Variants in NDC1 observed in about 807,000 individuals in gnomAD.
The protein encoded by NDC1 is nucleoporin NDC1.
A neutral mutation model predicts 89.8 loss-of-function variants in NDC1; 24 were observed. The ratio of observed to expected loss-of-function variants is 0.27; its 90% CI spans 0.19 to 0.38. The LOEUF (loss-of-function observed/expected upper bound fraction) is 0.38, where lower values mean the gene tolerates loss of function less well. NDC1 is among the 10% of genes least tolerant of loss of function. The pLI, the probability that NDC1 is intolerant of heterozygous loss-of-function variation, is 1.00. For missense variants in NDC1, 728 were observed against 797.6 expected (o/e 0.91, Z 1.05); for synonymous variants, 296 against 284.8 (o/e 1.04, Z -0.39).
chr1:53,830,575 T>C (rs961774019), intron 3 of NDC1, among the ~76,000 whole-genome samples: 4 of 152,050 alleles, frequency 2.6e-5, no homozygotes, highest in African/African-American at 7.2e-5. Context: ...AGGCAAATGA[T>C]GTAGGCTGGG....
chr1:53,774,154 G>A (rs1368419029), intron 16 of NDC1, among the ~76,000 whole-genome samples: 4 of 152,180 alleles, frequency 2.6e-5, no homozygotes, highest in Admixed American at 6.5e-5. Context: ...GTTTAGCAGA[G>A]TTTTGGGGAA....
chr1:53,832,439 T>C (rs994011976), intron 3 of NDC1, 51 bp downstream of exon 3: 1 of 955,772 alleles, frequency 1.0e-6, no homozygotes. Flanking sequence ...AGTCTTCCCT[T>C]AGTTAAATAA....
At chr1:53,772,688 TAAC>T (rs1570151903) in intron 16 of NDC1, among the ~76,000 whole-genome samples, 199 bp from the exon 17 acceptor site, 2 of 149,488 alleles carry the variant, frequency 1.3e-5, no homozygotes, top group East Asian at 3.9e-4. Context: ...TAACATAACA[TAAC>T]ATAACATAAC....
intron 16 of NDC1, 139 bp from the exon 17 acceptor site, chr1:53,772,628 A>G (rs1251867805): frequency 3.3e-6 from 2 of 604,162 alleles, no homozygotes; most frequent in East Asian, 5.4e-5. Context: ...GTTCCACTGT[A>G]CTCCAGACTG....
intron 14 of NDC1, among the ~76,000 whole-genome samples, chr1:53,792,561 A>G (rs1647555965): frequency 6.6e-6 from 1 of 152,276 alleles, no homozygotes; most frequent in Non-Finnish European, 1.5e-5. Flanking sequence ...AGTGAGCGTG[A>G]TATTAGATAA....
intron 5 of NDC1, 59 bp downstream of exon 5, chr1:53,825,739 A>G (rs2100688245): frequency 6.9e-7 from 1 of 1,456,148 alleles, no homozygotes. Flanking sequence ...ATACATATGC[A>G]CCAAGGCAAT....
chr1:53,830,262 T>C (rs928134663), intron 3 of NDC1, among the ~76,000 whole-genome samples: 2 of 152,120 alleles, frequency 1.3e-5, no homozygotes, highest in African/African-American at 2.4e-5. Flanking sequence ...GAGACCAGCC[T>C]GACCAACATG....
Position 53,785,226 on chromosome 1 carries a change from A to G in NDC1, c.1800+1932T>C, listed in dbSNP as rs549299456. On this transcript the variant is annotated intron_variant, in intron 16 of 17. Coordinates refer to ENST00000371429, the MANE Select transcript of NDC1 (RefSeq NM_018087.5). ...CATTACTCTAGACTATAAACACTGT[A>G]CCATTATTGTTGTTTTAACTACACT... 2.7e-4 allele frequency among the ~76,000 whole-genome samples: 41 copies of G among 152,352 alleles called. No individual in the cohort carries two copies. In the South Asian group the frequency reaches 4.6e-3, roughly 17 times the overall value.
intron 5 of NDC1, among the ~76,000 whole-genome samples, chr1:53,825,453 C>CAAAAAAAAAAAAGAAAAAAA (rs369960654): frequency 7.9e-6 from 1 of 125,936 alleles, no homozygotes; most frequent in African/African-American, 3.4e-5. Context: ...AGACTGTCTC[C>CAAAAAAAAAAAAGAAAAAAA]AAAAAAAAAG....
intron 6 of NDC1, among the ~76,000 whole-genome samples, chr1:53,814,393 G>T (rs1036422201): frequency 7.9e-5 from 12 of 151,896 alleles, no homozygotes; most frequent in Non-Finnish European, 1.6e-4. Context: ...ATAATTTTTT[G>T]AACTGAATGA....
chr1:53,804,121 T>A (rs1352556881), intron 9 of NDC1, 112 bp from the exon 10 acceptor site: 10 of 789,584 alleles, frequency 1.3e-5, no homozygotes, highest in Non-Finnish European at 1.8e-5. Flanking sequence ...AACTTTTTCA[T>A]GAAAAAAAAA....
intron 1 of NDC1, among the ~76,000 whole-genome samples, chr1:53,836,587 C>A (rs1474988956): frequency 6.6e-6 from 1 of 152,062 alleles, no homozygotes; most frequent in East Asian, 1.9e-4. Context: ...CCTCCTCCTC[C>A]CGGGTTCAAG....
chr1:53,782,399 G>C (rs1438786089), intron 16 of NDC1, among the ~76,000 whole-genome samples: 5 of 152,196 alleles, frequency 3.3e-5, no homozygotes, highest in African/African-American at 1.2e-4. Context: ...CATGGGTGCA[G>C]CTCAAGGACA....
At chr1:53,785,218 A>G (rs1647274890) in intron 16 of NDC1, among the ~76,000 whole-genome samples, 1 of 152,198 alleles carries the variant, frequency 6.6e-6, no homozygotes, top group Non-Finnish European at 1.5e-5. Context: ...CTAGACTATA[A>G]ACACTGTACC....
chr1:53,806,306 ACCAGT>A, intron 9 of NDC1, 114 bp downstream of exon 9: 1 of 584,980 alleles, frequency 1.7e-6, no homozygotes. Context: ...TTTTTATCAT[ACCAGT>A]ACAAGAATAT....
At chr1:53,825,442 G>T (rs937919638) in intron 5 of NDC1, among the ~76,000 whole-genome samples, 1 of 97,794 alleles carries the variant, frequency 1.0e-5, no homozygotes, top group Non-Finnish European at 1.9e-5. Context: ...GCAAAGAAGC[G>T]AGACTGTCTC....
intron 4 of NDC1, among the ~76,000 whole-genome samples, chr1:53,827,267 TAAAAAA>T (rs80007578): frequency 8.7e-4 from 111 of 126,874 alleles, no homozygotes; most frequent in Non-Finnish European, 1.6e-3. Flanking sequence ...CATCTTTGTT[TAAAAAA>T]AAAAAAAAAA....
At chr1:53,800,332 C>CTTTTTTTTTTTT (rs1158363485) in intron 11 of NDC1, among the ~76,000 whole-genome samples, 2 of 80,646 alleles carry the variant, frequency 2.5e-5, no homozygotes, top group African/African-American at 9.7e-5. Flanking sequence ...CTACAGTCAT[C>CTTTTTTTTTTTT]TTTTTTTTTT....
intron 7 of NDC1, among the ~76,000 whole-genome samples, chr1:53,808,479 C>T (rs1427854371): frequency 6.6e-6 from 1 of 152,194 alleles, no homozygotes; most frequent in African/African-American, 2.4e-5. Context: ...CATTCTTCCT[C>T]TTAGTCCTAT....
Sources: allele counts gnomAD v4.1 joint callset (sites outside exome capture counted in the v4.1 genomes callset), GRCh38; gene constraint gnomAD v4.1.1; transcripts MANE v1.5; gene names NCBI Gene and HGNC (gene_info 2026-07-23, HGNC 2026-07-21).